Variants in WWTR1 observed in about 807,000 individuals in gnomAD.
WWTR1 encodes WW domain containing transcription regulator 1.
A neutral mutation model predicts 40.1 loss-of-function variants in WWTR1; 13 were observed. The observed-to-expected ratio is 0.32, with a 90% CI of 0.21 to 0.52. The LOEUF (loss-of-function observed/expected upper bound fraction) is 0.52, where lower values mean the gene tolerates loss of function less well. WWTR1 is among the 20% of genes least tolerant of loss of function. The pLI, the probability that WWTR1 is intolerant of heterozygous loss-of-function variation, is 0.97. For synonymous variants in WWTR1, 230 were observed against 210.1 expected, an observed-to-expected ratio of 1.09 and a Z score of -0.82; for missense variants, 436 against 523.1, an observed-to-expected ratio of 0.83 and a Z score of 1.63.
intron 4 of WWTR1, among the ~76,000 whole-genome samples, chr3:149,531,421 G>A (rs1735577757): frequency 6.6e-6 from 1 of 152,052 alleles, no homozygotes; most frequent in Non-Finnish European, 1.5e-5. Flanking sequence ...CACCTGGATG[G>A]TAAATAGAGG....
intron 2 of WWTR1, among the ~76,000 whole-genome samples, chr3:149,580,530 C>A (rs963379905): frequency 1.3e-5 from 2 of 152,216 alleles, no homozygotes; most frequent in South Asian, 4.1e-4. Context: ...GAAGCCCCAT[C>A]GCAGTGGATG....
intron 1 of WWTR1, among the ~76,000 whole-genome samples, chr3:149,694,316 C>T (rs914878860): frequency 1.3e-5 from 2 of 152,116 alleles, no homozygotes; most frequent in Non-Finnish European, 2.9e-5. Flanking sequence ...ATTGCTTGAA[C>T]CCGGGAGGCA....
At chr3:149,639,610 A>C (rs1217516088) in intron 2 of WWTR1, among the ~76,000 whole-genome samples, 1 of 152,166 alleles carries the variant, frequency 6.6e-6, no homozygotes, top group Non-Finnish European at 1.5e-5. Flanking sequence ...GGTCTCTTAT[A>C]AACTCATATT....
chr3:149,648,505 G>A (rs1712663459), intron 2 of WWTR1, among the ~76,000 whole-genome samples: 1 of 152,162 alleles, frequency 6.6e-6, no homozygotes, highest in Admixed American at 6.5e-5. Flanking sequence ...GCCTATGGGA[G>A]GAGGAGCAGC....
At chr3:149,594,951 T>C (rs7430772) in intron 2 of WWTR1, among the ~76,000 whole-genome samples, 1,958 of 55,454 alleles carry the variant, frequency 0.035, 70 homozygotes, top group African/African-American at 0.14. Flanking sequence ...TCTTTTTTAC[T>C]TTTTTTTTTT....
intron 2 of WWTR1, among the ~76,000 whole-genome samples, chr3:149,578,746 A>G (rs1419585432): frequency 3.3e-5 from 5 of 152,046 alleles, no homozygotes; most frequent in Admixed American, 3.3e-4. Flanking sequence ...AAAAATACAA[A>G]ATTAGACAGG....
chr3:149,617,884 T>C (rs1444827798), intron 2 of WWTR1, among the ~76,000 whole-genome samples: 1 of 152,052 alleles, frequency 6.6e-6, no homozygotes, highest in Non-Finnish European at 1.5e-5. Context: ...GAAAAATCCC[T>C]CCTATGGATA....
At chr3:149,559,813 A>C (rs775039942) in intron 3 of WWTR1, among the ~76,000 whole-genome samples, 6 of 152,218 alleles carry the variant, frequency 3.9e-5, no homozygotes, top group Non-Finnish European at 8.8e-5. Flanking sequence ...CTGATACCTC[A>C]TACTCATAGT....
chr3:149,647,590 G>A (rs1023740830), intron 2 of WWTR1, among the ~76,000 whole-genome samples: 5 of 152,162 alleles, frequency 3.3e-5, no homozygotes, highest in African/African-American at 7.2e-5. Context: ...CAGCAGGGGC[G>A]GTCCCAAGTC....
intron 2 of WWTR1, among the ~76,000 whole-genome samples, chr3:149,663,866 C>G (rs1560109782): frequency 1.3e-5 from 2 of 152,222 alleles, no homozygotes; most frequent in Non-Finnish European, 2.9e-5. Context: ...CTTCTGGACT[C>G]AACTCTTTAA....
At chr3:149,617,809 GTAAAA>G (rs1740059416) in intron 2 of WWTR1, among the ~76,000 whole-genome samples, 1 of 152,036 alleles carries the variant, frequency 6.6e-6, no homozygotes, top group Non-Finnish European at 1.5e-5. Flanking sequence ...TCAAAATAAA[GTAAAA>G]TAAAATAAAG....
intron 2 of WWTR1, among the ~76,000 whole-genome samples, chr3:149,612,612 T>A (rs1576596713): frequency 6.6e-6 from 1 of 152,152 alleles, no homozygotes; most frequent in South Asian, 2.1e-4. Flanking sequence ...GACTCTAACA[T>A]CTTGGGTCAC....
At position 149,711,161 on chromosome 3, in the gene WWTR1, T is replaced by TAA. The variant is rs1237527926; in HGVS notation, n.584+6279_584+6280dup. ...GAAGCGTAGGGTTTCACACACTTGC[T>TAA]AAAAAAAAAAAAAAAAAAGGGAGGC... is the stretch of plus-strand genomic sequence containing the variant. On this transcript the variant is annotated intron_variant and non_coding_transcript_variant, in intron 5 of 6. Transcript: ENST00000474080. 2.2e-3 allele frequency among the ~76,000 whole-genome samples: 255 copies of TAA among 114,914 alleles called. 4 individuals carry two copies. The highest frequency in any genetic ancestry group is 0.014 in the South Asian group (49 of 3,448). The allele number at this position is 114,914 out of a possible 152,430, so 75.4% of individuals were successfully genotyped here. A position where few individuals can be genotyped will look rare whatever the true frequency, so the allele number is the denominator to read the frequency against.
At chr3:149,522,758 C>G (rs892524435) in intron 6 of WWTR1, among the ~76,000 whole-genome samples, 1 of 151,868 alleles carries the variant, frequency 6.6e-6, no homozygotes, top group African/African-American at 2.4e-5. Context: ...ATTCCTAGGC[C>G]GGGTGTGGTG....
chr3:149,671,840 G>T (rs1714098805), intron 1 of WWTR1, among the ~76,000 whole-genome samples: 1 of 151,994 alleles, frequency 6.6e-6, no homozygotes. Flanking sequence ...CATTAAAAAT[G>T]TTTGTAATTT....
chr3:149,578,887 AAAAAT>A (rs1231748017), intron 2 of WWTR1, among the ~76,000 whole-genome samples: 1 of 152,186 alleles, frequency 6.6e-6, no homozygotes, highest in African/African-American at 2.4e-5. Context: ...CCATCTCAAA[AAAAAT>A]AAAATAAAAT....
intron 2 of WWTR1, among the ~76,000 whole-genome samples, chr3:149,594,535 A>G (rs1408796669): frequency 6.6e-6 from 1 of 152,176 alleles, no homozygotes; most frequent in Non-Finnish European, 1.5e-5. Context: ...ATTTTAACCT[A>G]ATTTAATCAT....
intron 2 of WWTR1, among the ~76,000 whole-genome samples, chr3:149,639,812 T>C (rs927981679): frequency 2.0e-5 from 3 of 151,120 alleles, no homozygotes; most frequent in Admixed American, 6.6e-5. Flanking sequence ...GCTAACACGG[T>C]GAAATCCCAT....
upstream of WWTR1, chr3:149,659,936 T>TTTTTG (rs1713498018): frequency 6.6e-6 from 1 of 150,864 alleles, no homozygotes. Flanking sequence ...TTTTTTTTTT[T>TTTTTG]GAGATGGAGT....
Sources: allele counts gnomAD v4.1 joint callset (sites outside exome capture counted in the v4.1 genomes callset), GRCh38; gene constraint gnomAD v4.1.1; transcripts MANE v1.5; gene names NCBI Gene and HGNC (gene_info 2026-07-23, HGNC 2026-07-21).